The following ATP11B variants were observed in gnomAD, a reference collection of about 807,000 sequenced individuals.
The protein encoded by ATP11B is phospholipid-transporting ATPase IF.
ATP11B carries 81 observed loss-of-function variants against 157.8 expected under a neutral mutation model. The ratio of observed to expected loss-of-function variants is 0.51; its 90% CI spans 0.43 to 0.62. The LOEUF is 0.62. Ranked by LOEUF, ATP11B falls within the 20% of genes least tolerant of loss-of-function variation. ATP11B has a pLI of 0.00. For synonymous variants in ATP11B, 451 were observed against 469.4 expected (o/e 0.96, Z 0.51); for missense variants, 1,165 against 1,402.2 (o/e 0.83, Z 2.70).
intron 28 of ATP11B, among the ~76,000 whole-genome samples, chr3:182,910,980 A>G (rs2108594592): frequency 6.6e-6 from 1 of 152,362 alleles, no homozygotes; most frequent in South Asian, 2.1e-4. Flanking sequence ...ATTGAATTTA[A>G]CAGTTATAAA....
At chr3:182,821,183 C>T (rs1199065603) in intron 2 of ATP11B, among the ~76,000 whole-genome samples, 3 of 152,094 alleles carry the variant, frequency 2.0e-5, no homozygotes, top group Non-Finnish European at 4.4e-5. Flanking sequence ...AATCTTGGCC[C>T]ATTGCAACCT....
At chr3:182,844,790 T>C (rs1475696076) in intron 8 of ATP11B, among the ~76,000 whole-genome samples, 1 of 152,198 alleles carries the variant, frequency 6.6e-6, no homozygotes, top group Non-Finnish European at 1.5e-5. Context: ...CTTTAAAATT[T>C]TAAAATTTCA....
chr3:182,871,980 C>G (rs1425722784), intron 17 of ATP11B, among the ~76,000 whole-genome samples: 1 of 152,004 alleles, frequency 6.6e-6, no homozygotes, highest in East Asian at 1.9e-4. Flanking sequence ...TATGCCCGCC[C>G]AATTTTTTGT....
chr3:182,908,196 C>CTTT lies in ATP11B; in HGVS notation c.3319-5642_3319-5640dup, dbSNP rs10716562. On this transcript the variant is annotated intron_variant, in intron 28 of 29. Transcript: ENST00000323116. The stretch of plus-strand genomic sequence containing the variant: ...AATATAATTCTCATATTATTATTTT[C>CTTT]TTTTTTTTTTTTTTTTTTTTTTTTT... Among the ~76,000 whole-genome samples, 351 of 70,726 alleles carry CTTT rather than the reference C, an allele frequency of 5.0e-3. 2 individuals are homozygous for CTTT. Among genetic ancestry groups the CTTT allele is most frequent in the African/African-American group, 7.6e-3 (133 of 17,422 alleles). 46.4% of individuals were successfully genotyped at this position (70,726 alleles called of 152,430 possible). A position where few individuals can be genotyped will look rare whatever the true frequency, so the allele number is the denominator to read the frequency against.
intron 11 of ATP11B, among the ~76,000 whole-genome samples, chr3:182,858,313 T>C (rs1720582110): frequency 6.6e-6 from 1 of 152,262 alleles, no homozygotes; most frequent in Non-Finnish European, 1.5e-5. Context: ...ACATTAATAC[T>C]ACAAACTCAA....
chr3:182,860,952 T>C (rs772347296), intron 12 of ATP11B, among the ~76,000 whole-genome samples: 2 of 152,186 alleles, frequency 1.3e-5, no homozygotes, highest in Non-Finnish European at 2.9e-5. Flanking sequence ...CCAGTTCTGC[T>C]ATAATGTGAT....
At chr3:182,917,129 A>C (rs1725191981) in intron 29 of ATP11B, 1 of 985,248 alleles carries the variant, frequency 1.0e-6, no homozygotes, top group African/African-American at 1.7e-5. Flanking sequence ...TATTTGACAA[A>C]GGTGAATTGG....
intron 25 of ATP11B, 32 bp from the exon 26 acceptor site, chr3:182,896,668 A>G (rs747281181): frequency 6.4e-7 from 1 of 1,555,876 alleles, no homozygotes; most frequent in South Asian, 1.1e-5. Context: ...TTATGTTAAC[A>G]CGTAATGTAA....
chr3:182,840,385 T>A (rs1340073079), intron 7 of ATP11B, among the ~76,000 whole-genome samples: 1 of 152,138 alleles, frequency 6.6e-6, no homozygotes, highest in Non-Finnish European at 1.5e-5. Context: ...CTATCTACCC[T>A]CACTCCCTTG....
At chr3:182,793,839 G>C in intron 1 of ATP11B, 53 bp downstream of exon 1, 1 of 1,181,830 alleles carries the variant, frequency 8.5e-7, no homozygotes, top group Non-Finnish European at 1.1e-6. Context: ...GGGGCCTCTC[G>C]GCCCGGGGTG....
intron 4 of ATP11B, chr3:182,833,679 A>G (rs552740667): frequency 6.6e-6 from 1 of 152,290 alleles, no homozygotes; most frequent in African/African-American, 2.4e-5. Context: ...TAAATAAGGA[A>G]AAGGCATGGA....
intron 23 of ATP11B, among the ~76,000 whole-genome samples, chr3:182,887,233 G>C (rs1167195592): frequency 2.0e-5 from 3 of 152,142 alleles, no homozygotes; most frequent in Non-Finnish European, 4.4e-5. Context: ...TGTATGTGTT[G>C]CATGTGGAAG....
At chr3:182,905,629 A>T (rs192790340) in intron 28 of ATP11B, among the ~76,000 whole-genome samples, 89 of 152,324 alleles carry the variant, frequency 5.8e-4, no homozygotes, top group Non-Finnish European at 2.9e-4. Flanking sequence ...GTTCCCCTTA[A>T]GAAGTTCCCA....
chr3:182,840,635 A>G (rs587083), intron 7 of ATP11B, among the ~76,000 whole-genome samples: 80,099 of 151,946 alleles, frequency 0.53, 23,888 homozygotes, highest in Non-Finnish European at 0.68. Flanking sequence ...CATCCTTCCA[A>G]TTGCTCAGGC....
intron 1 of ATP11B, among the ~76,000 whole-genome samples, chr3:182,818,777 A>G (rs1005358406): frequency 6.6e-6 from 1 of 152,298 alleles, no homozygotes; most frequent in Non-Finnish European, 1.5e-5. Context: ...TGGTAGCCAA[A>G]TTACTTACGT....
chr3:182,801,179 C>A (rs2108483033), intron 1 of ATP11B, among the ~76,000 whole-genome samples: 1 of 152,260 alleles, frequency 6.6e-6, no homozygotes, highest in Non-Finnish European at 1.5e-5. Flanking sequence ...ATACTTGTTT[C>A]TCTTTAAAAC....
intron 1 of ATP11B, among the ~76,000 whole-genome samples, chr3:182,813,852 C>T (rs1009011157): frequency 9.9e-5 from 15 of 152,070 alleles, no homozygotes; most frequent in East Asian, 9.7e-4. Flanking sequence ...GTCAGCCTCC[C>T]GAGTAGCTGG....
intron 10 of ATP11B, among the ~76,000 whole-genome samples, chr3:182,849,201 CTATA>C (rs1719770842): frequency 2.0e-5 from 3 of 152,214 alleles, no homozygotes; most frequent in African/African-American, 7.2e-5. Context: ...ACTGCTAGAA[CTATA>C]CATGTGCAAG....
intron 19 of ATP11B, 49 bp from the exon 20 acceptor site, chr3:182,879,447 A>G (rs769041170): frequency 2.7e-6 from 4 of 1,501,516 alleles, no homozygotes; most frequent in Non-Finnish European, 3.6e-6. Context: ...AGTGTAAATA[A>G]TATGGCTTCA....
Sources: gnomAD v4.1 joint callset for allele counts (sites outside exome capture counted in the v4.1 genomes callset) on GRCh38, gnomAD v4.1.1 for gene constraint, MANE v1.5 for transcripts, NCBI Gene and HGNC (gene_info 2026-07-23, HGNC 2026-07-21) for gene names.